HOMER1: variants seen among roughly 807,000 people sequenced by gnomAD.
HOMER1 encodes the protein homer scaffold protein 1.
In HOMER1, 3 loss-of-function variants were observed where a neutral mutation model predicts 48.9. The observed-to-expected ratio is 0.06, with a 90% confidence interval of 0.03 to 0.16. The LOEUF is 0.16. Among genes scored for constraint, HOMER1 ranks in the 10% least tolerant of loss-of-function variants. The pLI, the probability that HOMER1 is intolerant of heterozygous loss-of-function variation, is 1.00. For missense variants in HOMER1, 247 were observed against 411.4 expected (o/e 0.60, Z 3.46); for synonymous variants, 134 against 146.4 (o/e 0.92, Z 0.61).
At chr5:79,466,523 T>A (rs535549387) in intron 1 of HOMER1, among the ~76,000 whole-genome samples, 10 of 147,184 alleles carry the variant, frequency 6.8e-5, no homozygotes, top group South Asian at 2.2e-4. Context: ...ATAATAATAA[T>A]AAATAAATTA....
At chr5:79,461,580 AAC>A (rs1197861177) in intron 1 of HOMER1, among the ~76,000 whole-genome samples, 2 of 152,210 alleles carry the variant, frequency 1.3e-5, no homozygotes, top group African/African-American at 4.8e-5. Context: ...AAACCAATCT[AAC>A]ACCAAATAAT....
At chr5:79,436,075 G>A (rs1358056089) in intron 5 of HOMER1, among the ~76,000 whole-genome samples, 5 of 150,916 alleles carry the variant, frequency 3.3e-5, no homozygotes, top group African/African-American at 9.7e-5. Context: ...GCAGTGAGCC[G>A]AGATTGCGCC....
chr5:79,512,782 A>G lies in HOMER1; in HGVS notation c.-8T>C. Reference sequence around the variant, plus strand: ...CAAAAATCCTTACCCCATTTTGCCCAATGAAAACTTGCTCTGAAGTTTCAG... The same window carrying G: ...CAAAAATCCTTACCCCATTTTGCCCGATGAAAACTTGCTCTGAAGTTTCAG... On this transcript the variant is annotated 5_prime_UTR_variant, in exon 1 of 9. Coordinates refer to ENST00000334082, the MANE Select transcript of HOMER1 (RefSeq NM_004272.5). 1 of 1,613,650 alleles carries G rather than the reference A, an allele frequency of 6.2e-7. No individual in the cohort carries two copies. The highest frequency in any genetic ancestry group is 8.5e-7 in the Non-Finnish European group (1 of 1,179,692).
Position 79,500,994 on chromosome 5 carries a change from A to AC in HOMER1, c.5+11775_5+11776insG, listed in dbSNP as rs1491137703. ...CACACACACACACACACACACACAC[A>AC]AGGTCTGGCTCTATTACCCAGGCTG... On this transcript the variant is annotated intron_variant, in intron 1 of 8. Transcript: ENST00000334082. Among the ~76,000 whole-genome samples the AC allele has an allele frequency of 7.0e-4, 100 of 143,134 alleles. No homozygotes were observed. The East Asian group carries it at 0.016, about 23-fold the overall frequency. The allele number at this position is 143,134 out of a possible 152,430, so 93.9% of individuals were successfully genotyped here. A position where few individuals can be genotyped will look rare whatever the true frequency, so the allele number is the denominator to read the frequency against.
chr5:79,403,971 T>TTA lies in HOMER1; in HGVS notation c.528-1917_528-1916insTA, dbSNP rs1205103423. Among the ~76,000 whole-genome samples, 5 of 152,208 alleles carry TTA rather than the reference T, an allele frequency of 3.3e-5. No homozygotes were observed. In the East Asian group the frequency reaches 9.6e-4, roughly 29 times the overall value. ...AGGAAAGCTCTTTTCTTATTCTTCC[T>TTA]TTGTGAAATGATTTTTCAGATTCAT... is the stretch of plus-strand genomic sequence containing the variant. On this transcript the variant is annotated intron_variant, in intron 5 of 8. Transcript: ENST00000334082.
intron 8 of HOMER1, among the ~76,000 whole-genome samples, chr5:79,385,183 C>A (rs1490161120): frequency 6.6e-6 from 1 of 152,078 alleles, no homozygotes; most frequent in African/African-American, 2.4e-5. Context: ...AAAAACACTT[C>A]TGGACATTGG....
chr5:79,402,467 C>G (rs997272933), intron 5 of HOMER1, among the ~76,000 whole-genome samples: 2 of 152,128 alleles, frequency 1.3e-5, no homozygotes, highest in Non-Finnish European at 1.5e-5. Context: ...CTGTGACCAG[C>G]CCTAAGAATG....
intron 8 of HOMER1, among the ~76,000 whole-genome samples, chr5:79,396,384 C>T (rs1175682278): frequency 1.3e-5 from 2 of 151,642 alleles, no homozygotes; most frequent in African/African-American, 4.8e-5. Flanking sequence ...CTTTCTTTCT[C>T]TCTCTCTTTC....
intron 8 of HOMER1, among the ~76,000 whole-genome samples, chr5:79,394,325 A>G (rs1323859314): frequency 6.6e-6 from 1 of 152,196 alleles, no homozygotes; most frequent in Admixed American, 6.5e-5. Context: ...TTTGATAAAC[A>G]GGAGATGTTT....
intron 2 of HOMER1, among the ~76,000 whole-genome samples, chr5:79,452,850 C>A (rs1042681075): frequency 2.0e-5 from 3 of 152,176 alleles, no homozygotes; most frequent in African/African-American, 7.2e-5. Context: ...TCAAAAACTG[C>A]TTTTCTTAGC....
chr5:79,494,251 C>G (rs58844043), intron 1 of HOMER1, among the ~76,000 whole-genome samples: 1 of 152,188 alleles, frequency 6.6e-6, no homozygotes, highest in African/African-American at 2.4e-5. Flanking sequence ...ACTCTATCCT[C>G]AGCCCAGTTC....
At chr5:79,493,242 T>C (rs1175897875) in intron 1 of HOMER1, among the ~76,000 whole-genome samples, 7 of 152,126 alleles carry the variant, frequency 4.6e-5, no homozygotes, top group African/African-American at 1.4e-4. Flanking sequence ...CTTCTAACTC[T>C]ACTGTGCTCT....
intron 5 of HOMER1, among the ~76,000 whole-genome samples, chr5:79,436,920 A>G (rs1238964761): frequency 6.6e-6 from 1 of 152,216 alleles, no homozygotes; most frequent in Non-Finnish European, 1.5e-5. Flanking sequence ...AAGAACTACA[A>G]GATTATGTAA....
At chr5:79,420,768 T>C (rs770869509) in intron 5 of HOMER1, among the ~76,000 whole-genome samples, 3 of 152,172 alleles carry the variant, frequency 2.0e-5, no homozygotes, top group Non-Finnish European at 4.4e-5. Context: ...ACATCATCCA[T>C]ACTGGTTATA....
intron 1 of HOMER1, among the ~76,000 whole-genome samples, chr5:79,511,308 T>C (rs990634950): frequency 1.3e-5 from 2 of 152,244 alleles, no homozygotes; most frequent in Non-Finnish European, 2.9e-5. Flanking sequence ...TCAAATGCCA[T>C]TATTTTTCAG....
intron 1 of HOMER1, among the ~76,000 whole-genome samples, chr5:79,477,474 T>G (rs1420159408): frequency 3.3e-5 from 5 of 152,256 alleles, no homozygotes; most frequent in Admixed American, 2.6e-4. Context: ...CTATCCCTTC[T>G]GTTGGCTGGA....
intron 3 of HOMER1, among the ~76,000 whole-genome samples, chr5:79,447,411 T>C (rs1750915023): frequency 6.6e-6 from 1 of 152,180 alleles, no homozygotes; most frequent in Non-Finnish European, 1.5e-5. Context: ...CTAGCTTACC[T>C]AAAGGACTCC....
In HOMER1 at chr5:79,372,701, C is replaced by T. The variant is rs917355034; in HGVS notation, c.*3308G>A. 2.0e-5 allele frequency: 3 copies of T among 152,154 alleles called. No homozygotes were observed. Among genetic ancestry groups the T allele is most frequent in the African/African-American group, 4.8e-5 (2 of 41,436 alleles). 9.4% of individuals were successfully genotyped at this position (152,154 alleles called of 1,614,324 possible). A position where few individuals can be genotyped will look rare whatever the true frequency, so the allele number is the denominator to read the frequency against. ...CAAACAAACTTTCCCCGACCTGCCT[C>T]CCATTCCAGTACTGACAAAATCAGG... On this transcript the variant is annotated 3_prime_UTR_variant, in exon 9 of 9. Transcript: ENST00000334082.
chr5:79,381,347 A>G, intron 8 of HOMER1, among the ~76,000 whole-genome samples: 1 of 152,358 alleles, frequency 6.6e-6, no homozygotes, highest in East Asian at 1.9e-4. Context: ...CATCTACAGG[A>G]AAGAATCTTC....
Sources: allele counts gnomAD v4.1 joint callset (sites outside exome capture counted in the v4.1 genomes callset), GRCh38; gene constraint gnomAD v4.1.1; transcripts MANE v1.5; gene names NCBI Gene and HGNC (gene_info 2026-07-23, HGNC 2026-07-21).